The following ARID1B variants were observed in gnomAD, a reference collection of about 807,000 sequenced individuals.
ARID1B encodes AT-rich interaction domain 1B.
ARID1B carries 30 observed loss-of-function variants against 212.3 expected under a neutral mutation model. The ratio of observed to expected loss-of-function variants is 0.14; its 90% CI spans 0.11 to 0.19. The LOEUF (loss-of-function observed/expected upper bound fraction) is 0.19, where lower values mean the gene tolerates loss of function less well. Among genes scored for constraint, ARID1B ranks in the 10% least tolerant of loss-of-function variants. The pLI, the probability that ARID1B is intolerant of heterozygous loss-of-function variation, is 1.00. For synonymous variants in ARID1B, 1,402 were observed against 1,301.7 expected, an observed-to-expected ratio of 1.08 and a Z score of -1.66; for missense variants, 2,891 against 3,204.0, an observed-to-expected ratio of 0.90 and a Z score of 2.36.
chr6:157,055,314 G>T (rs1172813422), intron 4 of ARID1B, among the ~76,000 whole-genome samples: 1 of 152,114 alleles, frequency 6.6e-6, no homozygotes, highest in East Asian at 1.9e-4. Flanking sequence ...TTATGCCTTT[G>T]ATTTTCCTTT....
At chr6:157,142,975 T>G (rs1789483041) in intron 7 of ARID1B, among the ~76,000 whole-genome samples, 1 of 152,234 alleles carries the variant, frequency 6.6e-6, no homozygotes, top group Non-Finnish European at 1.5e-5. Flanking sequence ...AAGCTCTGAG[T>G]ATGCATTGCA....
chr6:157,209,077 A>T lies in ARID1B; in HGVS notation c.*1186A>T, dbSNP rs1194776673. On this transcript the variant is annotated 3_prime_UTR_variant, in exon 20 of 20. Coordinates refer to ENST00000636930, the MANE Select transcript of ARID1B (RefSeq NM_001374828.1). ...ACTAAAAGGAAGAAACACAACTTCA[A>T]AGATTTTTCAGTGATGAGAATCCAC... 4.3e-6 allele frequency: 1 copy of T among 230,658 alleles called. No homozygotes were observed. Among genetic ancestry groups the T allele is most frequent in the Non-Finnish European group, 8.6e-6 (1 of 116,406 alleles). The allele number at this position is 230,658 out of a possible 1,614,324, so 14.3% of individuals were successfully genotyped here. A position where few individuals can be genotyped will look rare whatever the true frequency, so the allele number is the denominator to read the frequency against.
intron 4 of ARID1B, among the ~76,000 whole-genome samples, chr6:157,062,706 ATTT>A (rs200133481): frequency 7.4e-6 from 1 of 135,998 alleles, no homozygotes; most frequent in East Asian, 2.0e-4. Flanking sequence ...ATATATATAT[ATTT>A]TTTTTTTTTT....
At chr6:156,977,973 G>C (rs4870503) in intron 4 of ARID1B, among the ~76,000 whole-genome samples, 1 of 151,850 alleles carries the variant, frequency 6.6e-6, no homozygotes, top group African/African-American at 2.4e-5. Context: ...CCTCTCTGGC[G>C]GGTGGGAGCA....
chr6:157,090,345 A>G (rs1270090456), intron 5 of ARID1B, among the ~76,000 whole-genome samples: 1 of 152,164 alleles, frequency 6.6e-6, no homozygotes, highest in Non-Finnish European at 1.5e-5. Flanking sequence ...ATGAAGATCT[A>G]AGGATAGTAA....
At chr6:157,023,945 GTTAT>G (rs1338504944) in intron 4 of ARID1B, 4 of 152,302 alleles carry the variant, frequency 2.6e-5, no homozygotes, top group South Asian at 2.1e-4. Context: ...GTTATCTCAG[GTTAT>G]TTATTCTTTA....
intron 6 of ARID1B, among the ~76,000 whole-genome samples, chr6:157,121,732 A>G (rs765252026): frequency 6.8e-6 from 1 of 146,788 alleles, no homozygotes; most frequent in Non-Finnish European, 1.5e-5. Context: ...CCTGGGTTCA[A>G]GCAGTTCTCC....
chr6:156,898,296 G>A (rs1483052978), intron 2 of ARID1B, among the ~76,000 whole-genome samples: 1 of 152,182 alleles, frequency 6.6e-6, no homozygotes, highest in Admixed American at 6.5e-5. Flanking sequence ...CAAAGCTTGG[G>A]ACAGTGAAGC....
intron 8 of ARID1B, among the ~76,000 whole-genome samples, chr6:157,159,083 C>A (rs970892418): frequency 3.9e-5 from 6 of 152,160 alleles, no homozygotes; most frequent in South Asian, 2.1e-4. Context: ...CCCACTGCTA[C>A]CCCCCTGTGG....
intron 6 of ARID1B, among the ~76,000 whole-genome samples, chr6:157,119,941 G>T (rs762522167): frequency 1.3e-5 from 2 of 152,180 alleles, no homozygotes; most frequent in Non-Finnish European, 2.9e-5. Flanking sequence ...AACTAGTTTT[G>T]TATCTTTGGA....
chr6:157,188,315 A>G (rs539648282), intron 13 of ARID1B, among the ~76,000 whole-genome samples: 1 of 152,258 alleles, frequency 6.6e-6, no homozygotes, highest in East Asian at 1.9e-4. Context: ...GATGTTACGC[A>G]GTGTTCAGCT....
At chr6:156,801,071 G>A (rs1256490190) in intron 1 of ARID1B, among the ~76,000 whole-genome samples, 1 of 152,060 alleles carries the variant, frequency 6.6e-6, no homozygotes, top group African/African-American at 2.4e-5. Context: ...AGAGACTCTT[G>A]AGTTGCATCT....
At chr6:157,020,821 G>A (rs1200533729) in intron 4 of ARID1B, among the ~76,000 whole-genome samples, 1 of 152,130 alleles carries the variant, frequency 6.6e-6, no homozygotes, top group African/African-American at 2.4e-5. Context: ...GTGAGTTTAT[G>A]CTGTACGTGG....
chr6:156,840,531 C>G (rs956084658), intron 2 of ARID1B, among the ~76,000 whole-genome samples: 2 of 152,240 alleles, frequency 1.3e-5, no homozygotes, highest in African/African-American at 4.8e-5. Context: ...CCAGTGAAAT[C>G]TGTCCAGCTT....
chr6:156,984,670 T>G (rs1777813882), intron 4 of ARID1B: 1 of 152,164 alleles, frequency 6.6e-6, no homozygotes, highest in African/African-American at 2.4e-5. Context: ...ATGGAGTTTC[T>G]TACTTTTCTT....
At chr6:157,138,925 G>C (rs531011843) in intron 7 of ARID1B, among the ~76,000 whole-genome samples, 1 of 152,312 alleles carries the variant, frequency 6.6e-6, no homozygotes, top group East Asian at 1.9e-4. Flanking sequence ...TCATAGCAAA[G>C]GATAGGTGAA....
At chr6:157,198,776 T>C in intron 16 of ARID1B, 35 bp from the exon 17 acceptor site, 1 of 1,541,750 alleles carries the variant, frequency 6.5e-7, no homozygotes, top group Non-Finnish European at 8.9e-7. Context: ...TGAAGCTTTT[T>C]CTCAGTTAAG....
At chr6:156,861,736 T>A (rs1394616358) in intron 2 of ARID1B, among the ~76,000 whole-genome samples, 1 of 152,182 alleles carries the variant, frequency 6.6e-6, no homozygotes, top group Non-Finnish European at 1.5e-5. Context: ...ATGGGAGCCC[T>A]TTCTCTTTGC....
At chr6:156,987,954 A>G (rs1778033777) in intron 4 of ARID1B, among the ~76,000 whole-genome samples, 1 of 152,144 alleles carries the variant, frequency 6.6e-6, no homozygotes, top group Non-Finnish European at 1.5e-5. Context: ...TCTATAGCAG[A>G]TAATAAGTGT....
Sources: allele counts gnomAD v4.1 joint callset (sites outside exome capture counted in the v4.1 genomes callset), GRCh38; gene constraint gnomAD v4.1.1; transcripts MANE v1.5; gene names NCBI Gene and HGNC (gene_info 2026-07-23, HGNC 2026-07-21).